PHF12: variants seen among roughly 807,000 people sequenced by gnomAD.
The protein encoded by PHF12 is PHD factor 1.
PHF12 carries 6 observed loss-of-function variants against 99.8 expected under a neutral mutation model. The observed-to-expected ratio is 0.06, with a 90% CI of 0.03 to 0.12. The LOEUF (loss-of-function observed/expected upper bound fraction) is 0.12, where lower values mean the gene tolerates loss of function less well. Ranked by LOEUF, PHF12 falls within the 10% of genes least tolerant of loss-of-function variation. PHF12 has a pLI of 1.00. For missense variants in PHF12, 954 were observed against 1,300.1 expected (o/e 0.73, Z 4.09); for synonymous variants, 480 against 514.9 (o/e 0.93, Z 0.92).
chr17:28,914,428 TTTGGGAGGCCGAG>T (rs1221229652), intron 7 of PHF12, among the ~76,000 whole-genome samples: 1 of 151,982 alleles, frequency 6.6e-6, no homozygotes, highest in Non-Finnish European at 1.5e-5. Context: ...ATCCCAGCAC[TTTGGGAGGCCGAG>T]GCGGGAGGAT....
chr17:28,938,472 T>A (rs2040549486), intron 2 of PHF12, among the ~76,000 whole-genome samples: 1 of 152,010 alleles, frequency 6.6e-6, no homozygotes, highest in Non-Finnish European at 1.5e-5. Context: ...TTGTGATCCG[T>A]CCACCTCAGC....
At chr17:28,941,148 C>T (rs2040609014) in intron 2 of PHF12, among the ~76,000 whole-genome samples, 1 of 151,350 alleles carries the variant, frequency 6.6e-6, no homozygotes, top group African/African-American at 2.4e-5. Context: ...CTACCATAAA[C>T]CCAAACGGAA....
Position 28,951,352 on chromosome 17 carries a change from G to A in PHF12, c.-392C>T, listed in dbSNP as rs888104436. Reference sequence around the variant, plus strand: ...GGAGGGGGGGTGAGAGGTTACGTGAGGTTGTGGTACGTGAGGTGACTGGGG... The same window carrying A: ...GGAGGGGGGGTGAGAGGTTACGTGAAGTTGTGGTACGTGAGGTGACTGGGG... On this transcript the variant is annotated 5_prime_UTR_variant, in exon 1 of 15. Coordinates refer to ENST00000332830, the MANE Select transcript of PHF12 (RefSeq NM_001033561.2). The A allele has an allele frequency of 9.8e-7, 1 of 1,016,248 alleles. No individual in the cohort carries two copies. The highest frequency in any genetic ancestry group is 1.2e-6 in the Non-Finnish European group (1 of 848,060). 63.0% of individuals were successfully genotyped at this position (1,016,248 alleles called of 1,614,324 possible).
At position 28,923,916 on chromosome 17, in the gene PHF12, T is replaced by C; in HGVS notation, c.708A>G (p.Ala236=). ...GATGATGGTTTGGCTGACCTGGTAG[T>C]GCAGTGGTACAAGTCAGTTCATTGG... The part of the protein sequence containing the change: ...QLPNELTCTT[A]LPGSSKRRRK... The change falls in exon 4 of 15, where the codon GCA becomes GCG. Residue 236 remains alanine, a synonymous_variant. Coordinates refer to ENST00000332830, the MANE Select transcript of PHF12 (RefSeq NM_001033561.2). The C allele has an allele frequency of 6.2e-7, 1 of 1,608,112 alleles. No individual in the cohort carries two copies. Among genetic ancestry groups the C allele is most frequent in the East Asian group, 2.2e-5 (1 of 44,768 alleles).
chr17:28,919,051 T>G, intron 6 of PHF12, 92 bp downstream of exon 6: 1 of 1,470,368 alleles, frequency 6.8e-7, no homozygotes, highest in Non-Finnish European at 9.1e-7. Context: ...TGTGGTGAAC[T>G]TGGCACCAAG....
At chr17:28,947,812 A>AT (rs1403989775) in intron 2 of PHF12, among the ~76,000 whole-genome samples, 1 of 152,136 alleles carries the variant, frequency 6.6e-6, no homozygotes, top group Non-Finnish European at 1.5e-5. Context: ...CAAAGGGAGA[A>AT]TTGGAGATGT....
chr17:28,933,733 C>T (rs997705811), intron 2 of PHF12, among the ~76,000 whole-genome samples: 2 of 152,068 alleles, frequency 1.3e-5, no homozygotes, highest in African/African-American at 4.8e-5. Context: ...GCAAAGCAAA[C>T]AAATTATCAT....
Position 28,906,914 on chromosome 17 carries a change from C to A in PHF12, c.2622G>T (p.Ser874=), listed in dbSNP as rs749947103. Reference sequence around the variant, plus strand: ...TTGGGGGGGTTGGCGGGGTCTTCTCCGAGAAGTCACATGAATACAGCACAT... The same window carrying A: ...TTGGGGGGGTTGGCGGGGTCTTCTCAGAGAAGTCACATGAATACAGCACAT... The part of the protein sequence containing the change: ...VDNVLYSCDF[S]EKTPPTPPSS... The change falls in exon 14 of 15, where the codon TCG becomes TCT. Residue 874 remains serine (S), a synonymous_variant. Transcript: ENST00000332830. This position sits in a 1 kb window ranked among gnomAD's most constrained non-coding sequence, Gnocchi z 4.2. The A allele has an allele frequency of 6.2e-7, 1 of 1,613,200 alleles. No homozygotes were observed. The highest frequency in any genetic ancestry group is 1.7e-5 in the Admixed American group (1 of 59,868).
intron 2 of PHF12, among the ~76,000 whole-genome samples, chr17:28,936,230 C>T (rs564738072): frequency 5.8e-4 from 89 of 152,232 alleles, no homozygotes; most frequent in Middle Eastern, 6.8e-3. Context: ...CAGATTTAGT[C>T]GCTACCAGTG....
chr17:28,906,079 T>C lies in PHF12; in HGVS notation c.*104A>G, dbSNP rs545437094. 3.4e-5 allele frequency: 38 copies of C among 1,112,770 alleles called. No individual in the cohort carries two copies. The East Asian group carries it at 9.1e-4, about 27-fold the overall frequency. The allele number at this position is 1,112,770 out of a possible 1,614,324, so 68.9% of individuals were successfully genotyped here. The stretch of plus-strand genomic sequence containing the variant: ...TCATGCAAAGATTGTAGTTGAAGGG[T>C]TTCTGGTAGAGTATAGAAAACACCC... On this transcript the variant is annotated 3_prime_UTR_variant, in exon 15 of 15. Coordinates refer to ENST00000332830, the MANE Select transcript of PHF12 (RefSeq NM_001033561.2). The surrounding 1 kb of genome is among the most constrained non-coding windows in gnomAD (Gnocchi z 4.2).
Position 28,951,310 on chromosome 17 carries a change from C to G in PHF12, c.-350G>C. On this transcript the variant is annotated 5_prime_UTR_variant, in exon 1 of 15. Transcript: ENST00000332830. ...GGGAAGGCTGGCGGGCGCTGCCATC[C>G]CGGGGCTGGGGGTATCGGAGGGGGG... 1.8e-6 allele frequency: 2 copies of G among 1,097,428 alleles called. No homozygotes were observed. The highest frequency in any genetic ancestry group is 2.2e-6 in the Non-Finnish European group (2 of 898,796). 68.0% of individuals were successfully genotyped at this position (1,097,428 alleles called of 1,614,324 possible).
intron 2 of PHF12, among the ~76,000 whole-genome samples, chr17:28,931,767 A>G (rs2040413097): frequency 6.7e-6 from 1 of 149,656 alleles, no homozygotes; most frequent in Admixed American, 6.7e-5. Flanking sequence ...TTTTTTTTAG[A>G]GATGGGGTTT....
chr17:28,913,428 T>C (rs1371211832), intron 8 of PHF12, 151 bp from the exon 9 acceptor site: 5 of 1,410,726 alleles, frequency 3.5e-6, no homozygotes, highest in Middle Eastern at 2.6e-4. Flanking sequence ...CCTGATAGAA[T>C]TCCATTTCCA....
At position 28,912,883 on chromosome 17, in the gene PHF12, C is replaced by T. The variant is rs573352358; in HGVS notation, c.1688G>A (p.Arg563Gln). The change falls in exon 9 of 15, where the codon CGG becomes CAG. Residue 563 changes from arginine to glutamine, a missense_variant. Around this residue, in one of 8 missense-constraint regions of PHF12, gnomAD observed 392 missense variants for 423.1 expected, o/e 0.93. Coordinates refer to ENST00000332830, the MANE Select transcript of PHF12 (RefSeq NM_001033561.2). ...TGGGGTGTTAGCGCCTGGAAGTCGC[C>T]GGGGGTCCGTGGAATCAGTAGGGCT... Reference protein sequence around the residue: ...YSSPTDSTDPRRLPGANTPLP... With the variant: ...YSSPTDSTDPQRLPGANTPLP... 6.4e-5 allele frequency: 104 copies of T among 1,612,446 alleles called. 2 individuals carry two copies. The South Asian group carries it at 9.1e-4, about 14-fold the overall frequency.
At chr17:28,934,913 T>A (rs1414716096) in intron 2 of PHF12, among the ~76,000 whole-genome samples, 1 of 152,244 alleles carries the variant, frequency 6.6e-6, no homozygotes, top group Non-Finnish European at 1.5e-5. Context: ...TTTGAACCTT[T>A]AGATTCCTTC....
intron 2 of PHF12, among the ~76,000 whole-genome samples, chr17:28,947,652 C>T (rs1284652033): frequency 6.6e-6 from 1 of 151,242 alleles, no homozygotes; most frequent in African/African-American, 2.4e-5. Context: ...TGGCTTCAGA[C>T]GCAGAAAAGT....
intron 2 of PHF12, among the ~76,000 whole-genome samples, chr17:28,934,529 T>G (rs2040471053): frequency 2.0e-5 from 3 of 152,150 alleles, no homozygotes; most frequent in African/African-American, 7.2e-5. Context: ...AGTGGAGACA[T>G]TTCTTCTGAA....
chr17:28,947,475 G>A (rs142254377), intron 2 of PHF12, among the ~76,000 whole-genome samples: 2,146 of 152,150 alleles, frequency 0.014, 19 homozygotes, highest in Non-Finnish European at 0.019. Context: ...CTACTTGGGA[G>A]GCTGAGGCAG....
rs2039861216 is a variant in PHF12 at position 28,905,743 on chromosome 17, AG to A, written c.*439del. The stretch of plus-strand genomic sequence containing the variant: ...ATTAAATAAAACAATGATATTGTAT[AG>A]ATTTTGCTGTATGAAAACTGTATTT... On this transcript the variant is annotated 3_prime_UTR_variant, in exon 15 of 15. Transcript: ENST00000332830. 6.4e-6 allele frequency: 1 copy of A among 155,556 alleles called. No individual in the cohort carries two copies. Among genetic ancestry groups the A allele is most frequent in the Admixed American group, 6.5e-5 (1 of 15,394 alleles). The allele number at this position is 155,556 out of a possible 1,614,324, so 9.6% of individuals were successfully genotyped here.
Sources: allele counts gnomAD v4.1 joint callset (sites outside exome capture counted in the v4.1 genomes callset), GRCh38; gene constraint gnomAD v4.1.1; regional missense constraint gnomAD v4.1.1; non-coding constraint Gnocchi (gnomAD v3.1); transcripts MANE v1.5; gene names NCBI Gene and HGNC (gene_info 2026-07-23, HGNC 2026-07-21).